The following ARID1B variants were observed in gnomAD, a reference collection of about 807,000 sequenced individuals.
The protein encoded by ARID1B is AT-rich interaction domain 1B.
Under a neutral mutation model 212.3 loss-of-function variants are expected in ARID1B, and 30 were observed. The ratio of observed to expected loss-of-function variants is 0.14; its 90% CI spans 0.11 to 0.19. ARID1B has a LOEUF of 0.19. Among genes scored for constraint, ARID1B ranks in the 10% least tolerant of loss-of-function variants. ARID1B has a pLI of 1.00. For synonymous variants in ARID1B, 1,402 were observed against 1,301.7 expected (o/e 1.08, Z -1.66); for missense variants, 2,891 against 3,204.0 (o/e 0.90, Z 2.36).
chr6:156,910,854 A>G (rs188901027), intron 3 of ARID1B, among the ~76,000 whole-genome samples: 1 of 152,314 alleles, frequency 6.6e-6, no homozygotes. Flanking sequence ...AAACTTTTCT[A>G]GTGTCTCCTT....
chr6:156,932,608 C>G (rs934095468), intron 3 of ARID1B, among the ~76,000 whole-genome samples: 1 of 152,104 alleles, frequency 6.6e-6, no homozygotes, highest in African/African-American at 2.4e-5. Flanking sequence ...TGCCTTTTTA[C>G]TGTGTATTTG....
intron 4 of ARID1B, among the ~76,000 whole-genome samples, chr6:157,020,984 G>A (rs1780200885): frequency 6.6e-6 from 1 of 152,238 alleles, no homozygotes; most frequent in African/African-American, 2.4e-5. Context: ...TCGGGGACCC[G>A]GAAACTTTTA....
chr6:157,002,047 T>C (rs1778944589), intron 4 of ARID1B, among the ~76,000 whole-genome samples: 1 of 152,238 alleles, frequency 6.6e-6, no homozygotes, highest in South Asian at 2.1e-4. Context: ...TTAGCTGGGA[T>C]AGTATATTTC....
In ARID1B at chr6:157,208,992, T is replaced by G; in HGVS notation, c.*1101T>G. On this transcript the variant is annotated 3_prime_UTR_variant, in exon 20 of 20. Transcript: ENST00000636930. ...ATCAAGGTGTGGAAATGGTTATATA[T>G]GGATTGATTTAGAAAATGGTTACCA... 4.3e-6 allele frequency: 1 copy of G among 230,346 alleles called. No individual in the cohort carries two copies. Among genetic ancestry groups the G allele is most frequent in the Non-Finnish European group, 8.6e-6 (1 of 116,342 alleles). The allele number at this position is 230,346 out of a possible 1,614,324, so 14.3% of individuals were successfully genotyped here. A position where few individuals can be genotyped will look rare whatever the true frequency, so the allele number is the denominator to read the frequency against.
At chr6:156,959,185 G>A (rs1218324647) in intron 4 of ARID1B, among the ~76,000 whole-genome samples, 1 of 152,148 alleles carries the variant, frequency 6.6e-6, no homozygotes, top group African/African-American at 2.4e-5. Flanking sequence ...GGAAGGGTGA[G>A]TGTGGGAAAA....
At chr6:156,963,862 C>G (rs1032327961) in intron 4 of ARID1B, among the ~76,000 whole-genome samples, 16 of 152,200 alleles carry the variant, frequency 1.1e-4, no homozygotes, top group Non-Finnish European at 1.9e-4. Flanking sequence ...GCAGGACATA[C>G]AATAATCTCT....
intron 2 of ARID1B, among the ~76,000 whole-genome samples, chr6:156,861,445 C>T (rs1004822413): frequency 6.6e-6 from 1 of 151,628 alleles, no homozygotes; most frequent in Non-Finnish European, 1.5e-5. Flanking sequence ...CCTGTCTCTA[C>T]AAAAAATACA....
At chr6:157,102,811 C>A (rs1271866780) in intron 5 of ARID1B, among the ~76,000 whole-genome samples, 3 of 151,830 alleles carry the variant, frequency 2.0e-5, no homozygotes, top group Non-Finnish European at 4.4e-5. Flanking sequence ...ATTGACCAGG[C>A]TGGCCTCAAA....
Position 156,969,604 on chromosome 6 carries a change from A to G in ARID1B, c.2247+34028A>G, listed in dbSNP as rs186220771. ...TAATACAAGAATTACTGTACATCTAATATCTGTAGTTACCCAAGAGCCAAG... is the reference window on the plus strand; with the variant it reads ...TAATACAAGAATTACTGTACATCTAGTATCTGTAGTTACCCAAGAGCCAAG... On this transcript the variant is annotated intron_variant, in intron 4 of 19. Transcript: ENST00000636930. Among the ~76,000 whole-genome samples the G allele has an allele frequency of 8.2e-4, 125 of 152,350 alleles. 1 individual carries two copies. The highest frequency in any genetic ancestry group is 2.9e-4 in the Non-Finnish European group (20 of 68,034).
chr6:157,024,307 G>A (rs1780517255), intron 4 of ARID1B: 1 of 152,224 alleles, frequency 6.6e-6, no homozygotes, highest in South Asian at 2.1e-4. Flanking sequence ...ACTGCCAAGT[G>A]ACAAGTTTCT....
Position 156,929,803 on chromosome 6 carries a change from C to G in ARID1B, c.2137-5663C>G, listed in dbSNP as rs113406561. On this transcript the variant is annotated intron_variant, in intron 3 of 19. Coordinates refer to ENST00000636930, the MANE Select transcript of ARID1B (RefSeq NM_001374828.1). ...TTGCTGGCATCTAGAGGCCTCCTCACTGACCTCTTACTAGGTGCCATTGCC... is the reference window on the plus strand; with the variant it reads ...TTGCTGGCATCTAGAGGCCTCCTCAGTGACCTCTTACTAGGTGCCATTGCC... 9.1e-3 allele frequency among the ~76,000 whole-genome samples: 1,390 copies of G among 152,292 alleles called. 8 individuals are homozygous for G. The highest frequency in any genetic ancestry group is 0.014 in the Non-Finnish European group (929 of 68,022).
At chr6:157,136,321 T>C (rs1788905253) in intron 7 of ARID1B, among the ~76,000 whole-genome samples, 1 of 152,070 alleles carries the variant, frequency 6.6e-6, no homozygotes, top group Admixed American at 6.5e-5. Flanking sequence ...CACCAAAGCC[T>C]TGAGAAATTT....
chr6:157,020,916 A>G (rs372311358), intron 4 of ARID1B, among the ~76,000 whole-genome samples: 8 of 152,220 alleles, frequency 5.3e-5, no homozygotes, highest in Admixed American at 3.3e-4. Flanking sequence ...CATTCTTACA[A>G]TATTAATGGC....
intron 3 of ARID1B, among the ~76,000 whole-genome samples, chr6:156,928,542 G>A (rs1009905630): frequency 1.3e-5 from 2 of 152,180 alleles, no homozygotes; most frequent in Non-Finnish European, 2.9e-5. Flanking sequence ...CAAACATTAA[G>A]GATGCAGTTA....
Position 157,181,163 on chromosome 6 carries a change from C to T in ARID1B, c.3699C>T (p.Ile1233=), listed in dbSNP as rs181686951. 137 of 1,614,120 alleles carry T rather than the reference C, an allele frequency of 8.5e-5. No homozygotes were observed. The highest frequency in any genetic ancestry group is 3.6e-5 in the Non-Finnish European group (42 of 1,180,026). ...LFRLYVCVKE[I]GGLAQVNKNK... ...GACTCTACGTCTGCGTCAAAGAGAT[C>T]GGGGGTTTGGCCCAGGTAAGAATGA... Residue 1233 remains isoleucine, a synonymous_variant, in exon 12 of 20, where the codon ATC becomes ATT. Coordinates refer to ENST00000636930, the MANE Select transcript of ARID1B (RefSeq NM_001374828.1).
chr6:157,113,481 G>A (rs981837376), intron 6 of ARID1B, among the ~76,000 whole-genome samples: 6 of 152,240 alleles, frequency 3.9e-5, no homozygotes, highest in Non-Finnish European at 7.3e-5. Flanking sequence ...AGTCATGATG[G>A]AAGGTGAAGG....
chr6:156,888,125 T>A (rs1365021608), intron 2 of ARID1B, among the ~76,000 whole-genome samples: 8 of 152,272 alleles, frequency 5.3e-5, no homozygotes, highest in Non-Finnish European at 1.0e-4. Flanking sequence ...GTTATCTCTT[T>A]AAAATTTTCT....
chr6:157,104,610 G>A (rs1786327124), intron 5 of ARID1B, among the ~76,000 whole-genome samples: 1 of 152,134 alleles, frequency 6.6e-6, no homozygotes, highest in Non-Finnish European at 1.5e-5. Context: ...ACAATAAACA[G>A]TTAAAAGACA....
chr6:157,117,825 C>T (rs955943197), intron 6 of ARID1B, among the ~76,000 whole-genome samples: 1 of 152,166 alleles, frequency 6.6e-6, no homozygotes, highest in East Asian at 1.9e-4. Context: ...GTATTTTGAG[C>T]TTACACAAGA....
Sources: allele counts gnomAD v4.1 joint callset (sites outside exome capture counted in the v4.1 genomes callset), GRCh38; gene constraint gnomAD v4.1.1; transcripts MANE v1.5; gene names NCBI Gene and HGNC (gene_info 2026-07-23, HGNC 2026-07-21).